DNM3: variants seen among roughly 807,000 people sequenced by gnomAD.
DNM3 encodes the protein dynamin 3, also known as dynamin-3.
In DNM3, 47 loss-of-function variants were observed where a neutral mutation model predicts 101.6. That is an observed-to-expected ratio of 0.46 (90% confidence interval 0.37 to 0.59). The LOEUF (loss-of-function observed/expected upper bound fraction) is 0.59. Among genes scored for constraint, DNM3 ranks in the 20% least tolerant of loss-of-function variants. The probability of loss-of-function intolerance (pLI) is 0.00; values close to 1 mark genes in which losing one functional copy is unlikely to be tolerated. For missense variants in DNM3, 849 were observed against 1,085.7 expected (o/e 0.78, Z 3.06); for synonymous variants, 385 against 387.9 (o/e 0.99, Z 0.09).
chr1:172,145,632 TGTG>T (rs2057852206), intron 14 of DNM3, among the ~76,000 whole-genome samples: 1 of 152,172 alleles, frequency 6.6e-6, no homozygotes, highest in Non-Finnish European at 1.5e-5. Context: ...CTCTGAATGC[TGTG>T]CTATAGTTTG....
chr1:172,062,317 C>G (rs1362039807), intron 10 of DNM3, among the ~76,000 whole-genome samples: 1 of 152,094 alleles, frequency 6.6e-6, no homozygotes, highest in Non-Finnish European at 1.5e-5. Context: ...TGGATGTTTT[C>G]TGAATTACTT....
chr1:172,024,803 C>T (rs947870326), intron 4 of DNM3, among the ~76,000 whole-genome samples: 1 of 152,240 alleles, frequency 6.6e-6, no homozygotes, highest in Admixed American at 6.5e-5. Context: ...GTCTTCACAA[C>T]CTACAGGCAA....
chr1:171,868,603 T>G lies in DNM3; in HGVS notation c.161+26786T>G, dbSNP rs557033346. On this transcript the variant is annotated intron_variant, in intron 1 of 20. Transcript: ENST00000627582. ...GAGATGTCACAACTTAGACAATTTTTCAGGCAGGAAGAAAGAATTGGCTCT... is the reference window on the plus strand; with the variant it reads ...GAGATGTCACAACTTAGACAATTTTGCAGGCAGGAAGAAAGAATTGGCTCT... Among the ~76,000 whole-genome samples, 532 of 152,318 alleles carry G rather than the reference T, an allele frequency of 3.5e-3. 3 individuals carry two copies. The highest frequency in any genetic ancestry group is 0.012 in the African/African-American group (509 of 41,576).
In DNM3 at chr1:172,410,605, T is replaced by G. The variant is rs1204104512; in HGVS notation, c.*2764T>G. The stretch of plus-strand genomic sequence containing the variant: ...TGAAATAGTATTGATTTAGAAAAAG[T>G]ATATTGCATTTCTAAAAAACATCTA... On this transcript the variant is annotated 3_prime_UTR_variant, in exon 21 of 21. Transcript: ENST00000627582. The G allele has an allele frequency of 1.0e-5, 10 of 984,786 alleles. No homozygotes were observed. Among genetic ancestry groups the G allele is most frequent in the Non-Finnish European group, 1.2e-5 (10 of 829,342 alleles). 61.0% of individuals were successfully genotyped at this position (984,786 alleles called of 1,614,324 possible).
chr1:172,040,850 A>G (rs562421169), intron 7 of DNM3, among the ~76,000 whole-genome samples: 1 of 151,922 alleles, frequency 6.6e-6, no homozygotes, highest in African/African-American at 2.4e-5. Context: ...AGCAGAAAGA[A>G]AAGTGTAAAA....
At chr1:172,213,673 C>T (rs2060591667) in intron 14 of DNM3, among the ~76,000 whole-genome samples, 2 of 151,420 alleles carry the variant, frequency 1.3e-5, no homozygotes, top group Non-Finnish European at 2.9e-5. Context: ...ACTGAAAAAG[C>T]AAAAAATTAG....
rs138540712 is a variant in DNM3, at chr1:172,354,112, T to TGTGTGAGAGAGA, written c.1894-24905_1894-24904insTGTGAGAGAGAG. On this transcript the variant is annotated intron_variant, in intron 17 of 20. Transcript: ENST00000627582. ...GGGTGTGTGTGTGTGTGTGTGTGTG[T>TGTGTGAGAGAGA]GAGAGAGAGAGAGAGAGAGAGAGAG... Among the ~76,000 whole-genome samples, 124 of 94,960 alleles carry TGTGTGAGAGAGA rather than the reference T, an allele frequency of 1.3e-3. 1 individual carries two copies. The highest frequency in any genetic ancestry group is 6.4e-3 in the Middle Eastern group (1 of 156). 62.3% of individuals were successfully genotyped at this position (94,960 alleles called of 152,430 possible).
In DNM3 at chr1:171,931,749, G is replaced by A. The variant is rs2041022237; in HGVS notation, c.235+9928G>A. ...ATTCCACAGTGTTTTACTTTTGTGG[G>A]TTTATAATTTGCTTTAAATATCTCA... On this transcript the variant is annotated intron_variant, in intron 2 of 20. Transcript: ENST00000627582. Among the ~76,000 whole-genome samples, 6 of 151,988 alleles carry A rather than the reference G, an allele frequency of 3.9e-5. No individual in the cohort carries two copies. The South Asian group carries it at 1.2e-3, about 32-fold the overall frequency.
intron 4 of DNM3, among the ~76,000 whole-genome samples, chr1:172,008,133 T>A (rs2046820089): frequency 1.5e-5 from 1 of 66,076 alleles, no homozygotes; most frequent in Non-Finnish European, 2.5e-5. Flanking sequence ...AGTTTGCAAA[T>A]TTTTTTTTTC....
chr1:172,160,040 A>C (rs1013039991), intron 14 of DNM3, among the ~76,000 whole-genome samples: 1 of 151,570 alleles, frequency 6.6e-6, no homozygotes, highest in African/African-American at 2.4e-5. Context: ...GAAAAACTAC[A>C]GTAAAAATAC....
chr1:172,227,518 A>G (rs1175255580), intron 14 of DNM3, among the ~76,000 whole-genome samples: 1 of 151,962 alleles, frequency 6.6e-6, no homozygotes, highest in Non-Finnish European at 1.5e-5. Context: ...TGTTTTCCAT[A>G]GAGGCTGTAC....
At chr1:171,970,941 A>G (rs1411936013) in intron 2 of DNM3, among the ~76,000 whole-genome samples, 1 of 152,078 alleles carries the variant, frequency 6.6e-6, no homozygotes, top group African/African-American at 2.4e-5. Context: ...GTCAAATTTC[A>G]GCATTACCTT....
At chr1:172,315,925 A>G (rs909348379) in intron 16 of DNM3, among the ~76,000 whole-genome samples, 26 of 152,306 alleles carry the variant, frequency 1.7e-4, no homozygotes, top group South Asian at 4.2e-4. Flanking sequence ...CAACTCCGAG[A>G]CACATAATTG....
intron 14 of DNM3, among the ~76,000 whole-genome samples, chr1:172,142,637 A>C (rs571888152): frequency 6.0e-4 from 91 of 152,008 alleles, no homozygotes; most frequent in Non-Finnish European, 1.2e-3. Context: ...ATAGGGATTC[A>C]TTTCTTTGAA....
At chr1:172,038,254 G>A (rs2049110519) in intron 6 of DNM3, 65 bp from the exon 7 acceptor site, 14 of 1,577,564 alleles carry the variant, frequency 8.9e-6, no homozygotes, top group African/African-American at 8.2e-5. Context: ...TGTCTCATGA[G>A]TTAATCTTTA....
intron 1 of DNM3, among the ~76,000 whole-genome samples, chr1:171,874,765 G>C (rs1208037400): frequency 6.6e-6 from 1 of 151,466 alleles, no homozygotes; most frequent in South Asian, 2.1e-4. Context: ...TGTCACCCCG[G>C]TAGTGAACAT....
intron 14 of DNM3, among the ~76,000 whole-genome samples, chr1:172,189,933 A>G (rs894673869): frequency 2.0e-5 from 3 of 151,688 alleles, no homozygotes; most frequent in Non-Finnish European, 2.9e-5. Context: ...GATAGTGCTA[A>G]CCCATTCATG....
chr1:171,871,561 T>C (rs1475271231), intron 1 of DNM3, among the ~76,000 whole-genome samples: 1 of 152,192 alleles, frequency 6.6e-6, no homozygotes, highest in Non-Finnish European at 1.5e-5. Flanking sequence ...ACATTGCTGG[T>C]CCTATGAACA....
At chr1:171,931,715 A>G (rs1396985974) in intron 2 of DNM3, among the ~76,000 whole-genome samples, 1 of 152,028 alleles carries the variant, frequency 6.6e-6, no homozygotes, top group African/African-American at 2.4e-5. Context: ...TTTCTGTTTT[A>G]TTGTACCAAT....
Sources: gnomAD v4.1 joint callset for allele counts (sites outside exome capture counted in the v4.1 genomes callset) on GRCh38, gnomAD v4.1.1 for gene constraint, MANE v1.5 for transcripts, NCBI Gene and HGNC (gene_info 2026-07-23, HGNC 2026-07-21) for gene names.